GNAQ: variants seen among roughly 807,000 people sequenced by gnomAD.
The protein encoded by GNAQ is guanine nucleotide-binding protein G(q) subunit alpha.
GNAQ carries 8 observed loss-of-function variants against 43.9 expected under a neutral mutation model. The observed-to-expected ratio is 0.18, with a 90% CI of 0.11 to 0.33. The LOEUF is 0.33. Among genes scored for constraint, GNAQ ranks in the 10% least tolerant of loss-of-function variants. GNAQ has a pLI of 1.00. For synonymous variants in GNAQ, 155 were observed against 170.7 expected, an observed-to-expected ratio of 0.91 and a Z score of 0.71; for missense variants, 158 against 450.8, an observed-to-expected ratio of 0.35 and a Z score of 5.88.
chr9:77,897,689 T>G (rs1025598726), intron 2 of GNAQ, among the ~76,000 whole-genome samples: 1 of 151,978 alleles, frequency 6.6e-6, no homozygotes, highest in Non-Finnish European at 1.5e-5. Flanking sequence ...TGGTTTATAG[T>G]CTACAAATTG....
intron 1 of GNAQ, among the ~76,000 whole-genome samples, chr9:77,970,645 AG>A (rs1823226350): frequency 6.6e-6 from 1 of 152,240 alleles, no homozygotes. Context: ...TGCAGTGTGT[AG>A]AGGGAAATTT....
At chr9:78,021,906 C>T (rs554784419) in intron 1 of GNAQ, among the ~76,000 whole-genome samples, 3 of 152,234 alleles carry the variant, frequency 2.0e-5, no homozygotes, top group Non-Finnish European at 1.5e-5. Context: ...CTGCGTCTCT[C>T]GGGCTCCACC....
rs528429790 is a variant in GNAQ at position 78,007,337 on chromosome 9, T to C, written c.136+23763A>G. On this transcript the variant is annotated intron_variant, in intron 1 of 6. Transcript: ENST00000286548. ...TAAAAACCTTGACTAAAATATTTAG[T>C]TTTTAATAAGTGATATAATTTCATA... is the stretch of plus-strand genomic sequence containing the variant. Among the ~76,000 whole-genome samples the C allele has an allele frequency of 1.2e-3, 175 of 151,760 alleles. 2 individuals carry two copies. The highest frequency in any genetic ancestry group is 4.0e-3 in the African/African-American group (167 of 41,386).
chr9:77,802,590 A>T (rs1260506322), intron 3 of GNAQ, among the ~76,000 whole-genome samples: 1 of 152,094 alleles, frequency 6.6e-6, no homozygotes, highest in Non-Finnish European at 1.5e-5. Context: ...ACAAATTTAT[A>T]CTGTAAATTC....
At chr9:77,747,597 A>G (rs1037449729) in intron 5 of GNAQ, among the ~76,000 whole-genome samples, 1 of 152,228 alleles carries the variant, frequency 6.6e-6, no homozygotes, top group African/African-American at 2.4e-5. Flanking sequence ...CCCTTAATTT[A>G]AATGAAAAAC....
intron 1 of GNAQ, among the ~76,000 whole-genome samples, chr9:77,930,188 C>T (rs1829128686): frequency 6.6e-6 from 1 of 152,160 alleles, no homozygotes; most frequent in Non-Finnish European, 1.5e-5. Context: ...CATCCACAGA[C>T]CCATCCCCCA....
intron 5 of GNAQ, among the ~76,000 whole-genome samples, chr9:77,732,313 T>C (rs1039374581): frequency 6.6e-6 from 1 of 152,090 alleles, no homozygotes; most frequent in African/African-American, 2.4e-5. Flanking sequence ...CGCCCTCTTT[T>C]TGGGGTTTTG....
At chr9:77,782,341 C>T (rs1826407580) in intron 5 of GNAQ, among the ~76,000 whole-genome samples, 2 of 152,132 alleles carry the variant, frequency 1.3e-5, no homozygotes, top group African/African-American at 4.8e-5. Context: ...AAGACTTGTA[C>T]ATCTGTTCAC....
intron 2 of GNAQ, among the ~76,000 whole-genome samples, chr9:77,868,604 T>C (rs1297074074): frequency 6.6e-6 from 1 of 151,996 alleles, no homozygotes; most frequent in Non-Finnish European, 1.5e-5. Context: ...AAGACCATCC[T>C]GGCCAACATA....
At chr9:77,729,730 T>A (rs138100542) in intron 5 of GNAQ, among the ~76,000 whole-genome samples, 104 of 152,300 alleles carry the variant, frequency 6.8e-4, no homozygotes, top group Middle Eastern at 3.4e-3. Flanking sequence ...TAGTTCTCCA[T>A]GTTATGACTG....
rs1828933291 is a variant in GNAQ, at chr9:77,917,677, T to G, written c.321+4484A>C. On this transcript the variant is annotated intron_variant, in intron 2 of 6. Transcript: ENST00000286548. ...GCTTTTGATTTGACCGAGTGACAAA[T>G]ACTTAATCCCTTTTTATCACTAGTT... Among the ~76,000 whole-genome samples, 3 of 152,190 alleles carry G rather than the reference T, an allele frequency of 2.0e-5. No individual in the cohort carries two copies. In the East Asian group the frequency reaches 5.8e-4, roughly 29 times the overall value.
At chr9:77,926,794 T>C (rs1829078490) in intron 1 of GNAQ, among the ~76,000 whole-genome samples, 1 of 152,230 alleles carries the variant, frequency 6.6e-6, no homozygotes, top group African/African-American at 2.4e-5. Context: ...TGCCTTTTCT[T>C]ATCTCAGCTC....
intron 2 of GNAQ, among the ~76,000 whole-genome samples, chr9:77,878,590 T>C (rs1456629664): frequency 6.6e-6 from 1 of 152,042 alleles, no homozygotes; most frequent in Non-Finnish European, 1.5e-5. Flanking sequence ...TATTTGATTA[T>C]TTCAACCCCT....
intron 5 of GNAQ, among the ~76,000 whole-genome samples, chr9:77,753,506 A>G (rs1011637184): frequency 3.3e-5 from 5 of 152,254 alleles, no homozygotes; most frequent in Admixed American, 3.3e-4. Flanking sequence ...GAAGAGTAAG[A>G]CTAAGAGCTT....
At chr9:77,812,686 GATAAAAAGAACTTAATTAATTTT>G in intron 3 of GNAQ, among the ~76,000 whole-genome samples, 1 of 152,094 alleles carries the variant, frequency 6.6e-6, no homozygotes, top group East Asian at 1.9e-4. Flanking sequence ...GGTATAGAAT[GATAAAAAGAACTTAATTAATTTT>G]AGGTATAATA....
intron 1 of GNAQ, among the ~76,000 whole-genome samples, chr9:77,982,935 C>T (rs1016122127): frequency 1.3e-5 from 2 of 151,900 alleles, no homozygotes; most frequent in African/African-American, 4.8e-5. Flanking sequence ...TACACTAGAA[C>T]TTAAAGTATA....
intron 1 of GNAQ, among the ~76,000 whole-genome samples, chr9:78,018,955 T>C (rs1353744951): frequency 6.6e-6 from 1 of 152,058 alleles, no homozygotes; most frequent in Non-Finnish European, 1.5e-5. Context: ...TTTAGAAACA[T>C]CCTCCCACCC....
chr9:77,893,665 G>A (rs147646103), intron 2 of GNAQ, among the ~76,000 whole-genome samples: 2,273 of 152,262 alleles, frequency 0.015, 58 homozygotes, highest in African/African-American at 0.051. Context: ...CTCTCTTGGC[G>A]TCTGGATGGG....
At chr9:77,792,934 T>A (rs1002634294) in intron 5 of GNAQ, among the ~76,000 whole-genome samples, 102 of 152,258 alleles carry the variant, frequency 6.7e-4, no homozygotes, top group East Asian at 7.7e-4. Flanking sequence ...TAAGGTCTTC[T>A]AGGGCAGAGT....
Sources: allele counts gnomAD v4.1 joint callset (sites outside exome capture counted in the v4.1 genomes callset), GRCh38; gene constraint gnomAD v4.1.1; transcripts MANE v1.5; gene names NCBI Gene and HGNC (gene_info 2026-07-23, HGNC 2026-07-21).